The following BEGAIN variants were observed in gnomAD, a reference collection of about 807,000 sequenced individuals.
BEGAIN encodes brain-enriched guanylate kinase-associated protein.
In BEGAIN, 19 loss-of-function variants were observed where a neutral mutation model predicts 35.8. That is an observed-to-expected ratio of 0.53 (90% confidence interval 0.37 to 0.78). The LOEUF is 0.78. Among genes scored for constraint, BEGAIN ranks in the 30% least tolerant of loss-of-function variants. The pLI is 0.00. For synonymous variants in BEGAIN, 462 were observed against 388.6 expected, an observed-to-expected ratio of 1.19 and a Z score of -2.22; for missense variants, 795 against 853.6, an observed-to-expected ratio of 0.93 and a Z score of 0.85.
At chr14:100,556,932 C>G (rs1174580424) in intron 2 of BEGAIN, among the ~76,000 whole-genome samples, 2 of 152,356 alleles carry the variant, frequency 1.3e-5, no homozygotes, top group Admixed American at 6.5e-5. Context: ...GCTGCTGTCC[C>G]CACTGATCTC....
In BEGAIN at chr14:100,537,818, G is replaced by T; in HGVS notation, c.*151C>A. ...GGGACCCTCCCCTCAGGCCTACAGG[G>T]CTGGGGAGGAGAGGAGGTGCGGGGA... is the stretch of plus-strand genomic sequence containing the variant. On this transcript the variant is annotated 3_prime_UTR_variant, in exon 7 of 7. Coordinates refer to ENST00000554140, the MANE Select transcript of BEGAIN (RefSeq NM_001385089.1). 3 of 1,228,252 alleles carry T rather than the reference G, an allele frequency of 2.4e-6. No individual in the cohort carries two copies. Among genetic ancestry groups the T allele is most frequent in the Non-Finnish European group, 2.2e-6 (2 of 919,860 alleles). The allele number at this position is 1,228,252 out of a possible 1,614,324, so 76.1% of individuals were successfully genotyped here. A position where few individuals can be genotyped will look rare whatever the true frequency, so the allele number is the denominator to read the frequency against.
rs1421867857 is a variant in BEGAIN at position 100,567,197 on chromosome 14, T to C, written c.71+714A>G. 6.6e-6 allele frequency among the ~76,000 whole-genome samples: 1 copy of C among 152,004 alleles called. No individual in the cohort carries two copies. Among genetic ancestry groups the C allele is most frequent in the Non-Finnish European group, 1.5e-5 (1 of 67,984 alleles). On this transcript the variant is annotated intron_variant, in intron 2 of 6. Coordinates refer to ENST00000554140, the MANE Select transcript of BEGAIN (RefSeq NM_001385089.1). The surrounding 1 kb of genome is among the most constrained non-coding windows in gnomAD (Gnocchi z 5.1). ...AAACACGGGAGGGGTGTTCCCAAAG[T>C]AGGGGTCAGGGTGCCAGGGGAAGTC...
At chr14:100,572,542 A>G (rs770450010) in intron 1 of BEGAIN, among the ~76,000 whole-genome samples, 10 of 152,088 alleles carry the variant, frequency 6.6e-5, no homozygotes, top group Non-Finnish European at 1.3e-4. Flanking sequence ...GCTGGGCTCT[A>G]GCTTCCTCAG....
At chr14:100,551,832 G>C (rs763499658) in intron 2 of BEGAIN, among the ~76,000 whole-genome samples, 111 of 152,280 alleles carry the variant, frequency 7.3e-4, no homozygotes, top group Non-Finnish European at 1.0e-3. Context: ...CTCTGCAGAA[G>C]TGGGCGGGGG....
At chr14:100,548,422 C>T (rs957733288) in intron 2 of BEGAIN, 1 of 152,210 alleles carries the variant, frequency 6.6e-6, no homozygotes, top group Non-Finnish European at 1.5e-5. Context: ...TGCAGGGGCT[C>T]CTGGTGTACC....
chr14:100,575,091 A>AG lies in BEGAIN; in HGVS notation c.43-7153dup, dbSNP rs1371960443. Among the ~76,000 whole-genome samples, 8 of 152,188 alleles carry AG rather than the reference A, an allele frequency of 5.3e-5. No homozygotes were observed. In the East Asian group the frequency reaches 1.3e-3, roughly 26 times the overall value. ...CCATGGCCACTCAGCCAGGCAGGACAGCACAGGACAGGACTGAAACCCAGG... is the reference window on the plus strand; with the variant it reads ...CCATGGCCACTCAGCCAGGCAGGACAGGCACAGGACAGGACTGAAACCCAGG... On this transcript the variant is annotated intron_variant, in intron 1 of 6. Coordinates refer to ENST00000554140, the MANE Select transcript of BEGAIN (RefSeq NM_001385089.1).
intron 1 of BEGAIN, among the ~76,000 whole-genome samples, chr14:100,582,059 C>T (rs1416587423): frequency 6.6e-6 from 1 of 152,262 alleles, no homozygotes; most frequent in Non-Finnish European, 1.5e-5. Flanking sequence ...GCGCCAGGGG[C>T]CGCAGCATAG....
intron 1 of BEGAIN, among the ~76,000 whole-genome samples, chr14:100,570,052 G>A (rs562198566): frequency 1.4e-4 from 22 of 152,156 alleles, no homozygotes; most frequent in African/African-American, 5.1e-4. Context: ...CAGCTGAAGG[G>A]GCCCAGCTGC....
rs941263648 is a variant in BEGAIN, at chr14:100,567,431, C to G, written c.71+480G>C. On this transcript the variant is annotated intron_variant, in intron 2 of 6. Coordinates refer to ENST00000554140, the MANE Select transcript of BEGAIN (RefSeq NM_001385089.1). This position sits in a 1 kb window ranked among gnomAD's most constrained non-coding sequence, Gnocchi z 5.1. Reference sequence around the variant, plus strand: ...GACTCCATCCCCCACCCCCGCCCCCCAGAGGCGGACACTTAAAAGCTCAGA... The same window carrying G: ...GACTCCATCCCCCACCCCCGCCCCCGAGAGGCGGACACTTAAAAGCTCAGA... 2.0e-5 allele frequency among the ~76,000 whole-genome samples: 3 copies of G among 152,126 alleles called. No homozygotes were observed. The highest frequency in any genetic ancestry group is 4.2e-4 in the South Asian group (2 of 4,810).
In BEGAIN at chr14:100,567,878, C is replaced by G; in HGVS notation, c.71+33G>C. The G allele has an allele frequency of 6.8e-7, 1 of 1,465,318 alleles. No individual in the cohort carries two copies. 90.8% of individuals were successfully genotyped at this position (1,465,318 alleles called of 1,614,324 possible). On this transcript the variant is annotated intron_variant, in intron 2 of 6. Coordinates refer to ENST00000554140, the MANE Select transcript of BEGAIN (RefSeq NM_001385089.1). The surrounding 1 kb of genome is among the most constrained non-coding windows in gnomAD (Gnocchi z 5.1). The stretch of plus-strand genomic sequence containing the variant: ...GCGCCCTCACCCCCGACCCGGCCCC[C>G]GCGAGCCGCGGCACGGGAGACGCTC...
At position 100,567,997 on chromosome 14, in the gene BEGAIN, C is replaced by CCGGGCAGAGCCGGGCACAG. The variant is rs1480510877; in HGVS notation, c.43-77_43-59dup. 10 of 1,358,472 alleles carry CCGGGCAGAGCCGGGCACAG rather than the reference C, an allele frequency of 7.4e-6. No individual in the cohort carries two copies. Among genetic ancestry groups the CCGGGCAGAGCCGGGCACAG allele is most frequent in the African/African-American group, 1.5e-5 (1 of 64,770 alleles). The allele number at this position is 1,358,472 out of a possible 1,614,324, so 84.2% of individuals were successfully genotyped here. A position where few individuals can be genotyped will look rare whatever the true frequency, so the allele number is the denominator to read the frequency against. On this transcript the variant is annotated intron_variant, in intron 1 of 6. Coordinates refer to ENST00000554140, the MANE Select transcript of BEGAIN (RefSeq NM_001385089.1). This position sits in a 1 kb window ranked among gnomAD's most constrained non-coding sequence, Gnocchi z 5.1. Reference sequence around the variant, plus strand: ...AGGAGGCGTGCGCTCCGCGGCCGCGCCGGGCAGAGCCGGGCACAGCGGGCA... The same window carrying CCGGGCAGAGCCGGGCACAG: ...AGGAGGCGTGCGCTCCGCGGCCGCGCCGGGCAGAGCCGGGCACAGCGGGCAGAGCCGGGCACAGCGGGCA...
chr14:100,549,233 C>T (rs2032922993), intron 2 of BEGAIN: 1 of 152,524 alleles, frequency 6.6e-6, no homozygotes, highest in African/African-American at 2.4e-5. Flanking sequence ...ATGCTCAGAC[C>T]AAATCCCCTC....
rs1246267014 is a variant in BEGAIN at position 100,558,754 on chromosome 14, T to C, written c.71+9157A>G. Among the ~76,000 whole-genome samples the C allele has an allele frequency of 6.6e-6, 1 of 152,140 alleles. No homozygotes were observed. The highest frequency in any genetic ancestry group is 1.5e-5 in the Non-Finnish European group (1 of 68,012). On this transcript the variant is annotated intron_variant, in intron 2 of 6. Coordinates refer to ENST00000554140, the MANE Select transcript of BEGAIN (RefSeq NM_001385089.1). The surrounding 1 kb of genome is among the most constrained non-coding windows in gnomAD (Gnocchi z 4.6). ...AGGGTATACCAGGAGCCTCACCTTC[T>C]AGGACCACCCACCACACCAGGCCCA...
chr14:100,544,968 G>A (rs746519830), intron 4 of BEGAIN, 32 bp downstream of exon 4: 1 of 1,602,912 alleles, frequency 6.2e-7, no homozygotes, highest in South Asian at 1.1e-5. Context: ...GAGGTGTGGG[G>A]TGGGGGAGTG....
intron 2 of BEGAIN, 78 bp from the exon 3 acceptor site, chr14:100,546,740 T>G (rs2140525778): frequency 1.4e-6 from 2 of 1,386,296 alleles, no homozygotes; most frequent in Non-Finnish European, 1.9e-6. Context: ...AGCCGGGGCG[T>G]GCCGCACTAA....
At chr14:100,544,031 G>C in intron 4 of BEGAIN, 66 bp from the exon 5 acceptor site, 1 of 1,176,394 alleles carries the variant, frequency 8.5e-7, no homozygotes, top group Non-Finnish European at 1.2e-6. Flanking sequence ...CCAGTCGCTC[G>C]ATTGCACCCC....
At chr14:100,555,996 G>A (rs2033684875) in intron 2 of BEGAIN, among the ~76,000 whole-genome samples, 2 of 152,138 alleles carry the variant, frequency 1.3e-5, no homozygotes, top group African/African-American at 4.8e-5. Flanking sequence ...GTGTGTGTAC[G>A]TGGTGTGTAG....
chr14:100,577,270 G>C, intron 1 of BEGAIN: 1 of 398,770 alleles, frequency 2.5e-6, no homozygotes, highest in Non-Finnish European at 4.4e-6. Context: ...GTGGGGAAGC[G>C]GCACATGGGG....
At chr14:100,562,883 G>A (rs899410825) in intron 2 of BEGAIN, among the ~76,000 whole-genome samples, 8 of 152,252 alleles carry the variant, frequency 5.3e-5, no homozygotes, top group Admixed American at 1.3e-4. Flanking sequence ...AGATTCGCCT[G>A]TGCAGTCATT....
Sources: allele counts gnomAD v4.1 joint callset (sites outside exome capture counted in the v4.1 genomes callset), GRCh38; gene constraint gnomAD v4.1.1; non-coding constraint Gnocchi (gnomAD v3.1); transcripts MANE v1.5; gene names NCBI Gene and HGNC (gene_info 2026-07-23, HGNC 2026-07-21).